Variants in SGCZ observed in about 807,000 individuals in gnomAD.
The protein encoded by SGCZ is sarcoglycan zeta, also known as zeta-sarcoglycan.
A neutral mutation model predicts 41.3 loss-of-function variants in SGCZ; 40 were observed. That is an observed-to-expected ratio of 0.97 (90% CI 0.75 to 1.26). The LOEUF is 1.26. Ranked by LOEUF, SGCZ falls within the 50% of genes most tolerant of loss-of-function variation. The pLI, the probability that SGCZ is intolerant of heterozygous loss-of-function variation, is 0.00. For synonymous variants in SGCZ, 206 were observed against 137.5 expected, an observed-to-expected ratio of 1.50 and a Z score of -3.49; for missense variants, 552 against 369.8, an observed-to-expected ratio of 1.49 and a Z score of -4.04.
At position 14,426,240 on chromosome 8, in the gene SGCZ, G is replaced by T. The variant is rs1343610130; in HGVS notation, c.235-102036C>A. 2.6e-5 allele frequency among the ~76,000 whole-genome samples: 4 copies of T among 152,060 alleles called. No homozygotes were observed. In the South Asian group the frequency reaches 6.2e-4, roughly 24 times the overall value. ...TATACAAGTCTAAGAAATAAAATTT[G>T]TGGTACATCAGATGGCAATAAGTGT... is the stretch of plus-strand genomic sequence containing the variant. On this transcript the variant is annotated intron_variant, in intron 2 of 7. Coordinates refer to ENST00000382080, the MANE Select transcript of SGCZ (RefSeq NM_139167.4).
At chr8:14,376,594 A>C (rs1295317987) in intron 2 of SGCZ, among the ~76,000 whole-genome samples, 1 of 152,166 alleles carries the variant, frequency 6.6e-6, no homozygotes, top group Non-Finnish European at 1.5e-5. Context: ...CCAACCTTCA[A>C]AAAAGATACT....
At chr8:14,152,463 A>G (rs763309271) in intron 5 of SGCZ, among the ~76,000 whole-genome samples, 1 of 152,326 alleles carries the variant, frequency 6.6e-6, no homozygotes, top group East Asian at 1.9e-4. Context: ...CAGAAGTTCA[A>G]GACCAGCCTC....
chr8:14,126,217 T>C (rs916792099), intron 5 of SGCZ, among the ~76,000 whole-genome samples: 1 of 152,140 alleles, frequency 6.6e-6, no homozygotes, highest in Non-Finnish European at 1.5e-5. Context: ...GAGAAAATAT[T>C]TGCAATCTAC....
At chr8:14,096,844 T>G (rs1182494883) in intron 7 of SGCZ, among the ~76,000 whole-genome samples, 1 of 152,190 alleles carries the variant, frequency 6.6e-6, no homozygotes, top group Non-Finnish European at 1.5e-5. Flanking sequence ...AAGGTGTATG[T>G]GTCCAGGAAT....
chr8:14,753,659 A>C (rs1235363686), intron 1 of SGCZ, among the ~76,000 whole-genome samples: 1 of 152,192 alleles, frequency 6.6e-6, no homozygotes, highest in Non-Finnish European at 1.5e-5. Flanking sequence ...TTGCAGTCTT[A>C]GTTAGTGTAA....
At position 14,786,592 on chromosome 8, in the gene SGCZ, T is replaced by C. The variant is rs571266726; in HGVS notation, c.40-231666A>G. On this transcript the variant is annotated intron_variant, in intron 1 of 7. Transcript: ENST00000382080. ...TTCAACTGAAACAGCTAAGCTATCT[T>C]AAGCCATTCACTGTCTCAGAAAAGA... is the stretch of plus-strand genomic sequence containing the variant. Among the ~76,000 whole-genome samples, 9 of 152,258 alleles carry C rather than the reference T, an allele frequency of 5.9e-5. No individual in the cohort carries two copies. In the South Asian group the frequency reaches 1.7e-3, roughly 28 times the overall value.
At chr8:14,286,387 T>C (rs1563235002) in intron 3 of SGCZ, among the ~76,000 whole-genome samples, 1 of 152,134 alleles carries the variant, frequency 6.6e-6, no homozygotes, top group African/African-American at 2.4e-5. Flanking sequence ...CAATTCTAAT[T>C]AGCGAATGCG....
At chr8:14,574,773 C>G (rs1360326794) in intron 1 of SGCZ, among the ~76,000 whole-genome samples, 2 of 151,952 alleles carry the variant, frequency 1.3e-5, no homozygotes, top group Non-Finnish European at 2.9e-5. Flanking sequence ...AGCCATTATC[C>G]TTATCATGGG....
chr8:14,313,480 C>G (rs988412513), intron 3 of SGCZ, among the ~76,000 whole-genome samples: 3 of 152,078 alleles, frequency 2.0e-5, no homozygotes, highest in African/African-American at 7.2e-5. Context: ...CCATGCCCAG[C>G]TAATTTTTGT....
intron 1 of SGCZ, among the ~76,000 whole-genome samples, chr8:14,580,700 A>G (rs952013822): frequency 6.6e-6 from 1 of 152,226 alleles, no homozygotes; most frequent in Non-Finnish European, 1.5e-5. Flanking sequence ...GCTTTTGGCA[A>G]ATAATTATGG....
intron 1 of SGCZ, among the ~76,000 whole-genome samples, chr8:14,952,872 C>A (rs1800683599): frequency 6.6e-6 from 1 of 152,144 alleles, no homozygotes; most frequent in South Asian, 2.1e-4. Flanking sequence ...GCACACCTTA[C>A]TGTGTGCTGG....
chr8:14,656,425 C>A (rs1453050417), intron 1 of SGCZ, among the ~76,000 whole-genome samples: 1 of 144,930 alleles, frequency 6.9e-6, no homozygotes, highest in Non-Finnish European at 1.5e-5. Context: ...TCCTTCCTTC[C>A]TTCCTCCCCC....
rs183767359 is a variant in SGCZ at position 14,826,441 on chromosome 8, A to C, written c.40-271515T>G. 1.0e-3 allele frequency among the ~76,000 whole-genome samples: 153 copies of C among 152,178 alleles called. 1 individual carries two copies. In the Middle Eastern group the frequency reaches 0.014, roughly 14 times the overall value. On this transcript the variant is annotated intron_variant, in intron 1 of 7. Transcript: ENST00000382080. The stretch of plus-strand genomic sequence containing the variant: ...CAGCATCATTTATAATCCTTTGGGG[A>C]TATACCCAGTAATGGGATGGCTGGG...
chr8:15,234,848 C>T (rs917133258), intron 1 of SGCZ, among the ~76,000 whole-genome samples: 2 of 152,230 alleles, frequency 1.3e-5, no homozygotes, highest in African/African-American at 4.8e-5. Context: ...TTTCTTAAAA[C>T]CTGAGGTAAG....
At chr8:14,510,011 A>T (rs1802422799) in intron 2 of SGCZ, among the ~76,000 whole-genome samples, 1 of 152,104 alleles carries the variant, frequency 6.6e-6, no homozygotes, top group African/African-American at 2.4e-5. Flanking sequence ...ACAATTTGAG[A>T]TGACATTTGG....
intron 1 of SGCZ, among the ~76,000 whole-genome samples, chr8:15,033,535 C>G (rs1487259407): frequency 2.0e-5 from 3 of 152,082 alleles, no homozygotes; most frequent in Non-Finnish European, 2.9e-5. Context: ...AGGAGCACCA[C>G]TAGAGAATGA....
At chr8:14,208,824 T>G (rs1348342786) in intron 4 of SGCZ, among the ~76,000 whole-genome samples, 1 of 152,222 alleles carries the variant, frequency 6.6e-6, no homozygotes, top group East Asian at 1.9e-4. Flanking sequence ...ATAGCATTAT[T>G]ACTTATGCTA....
chr8:14,841,895 C>T (rs952224822), intron 1 of SGCZ, among the ~76,000 whole-genome samples: 63 of 152,124 alleles, frequency 4.1e-4, no homozygotes, highest in Non-Finnish European at 5.1e-4. Flanking sequence ...GGCCACCTGA[C>T]CTGCAGCCCT....
intron 1 of SGCZ, among the ~76,000 whole-genome samples, chr8:14,956,548 T>G (rs1458410677): frequency 6.6e-6 from 1 of 152,162 alleles, no homozygotes; most frequent in African/African-American, 2.4e-5. Flanking sequence ...GCACAGAATC[T>G]CGGTGCATAC....
Sources: gnomAD v4.1 joint callset for allele counts (sites outside exome capture counted in the v4.1 genomes callset) on GRCh38, gnomAD v4.1.1 for gene constraint, MANE v1.5 for transcripts, NCBI Gene and HGNC (gene_info 2026-07-23, HGNC 2026-07-21) for gene names.